Variants in CCDC7 observed in about 807,000 individuals in gnomAD.
The protein encoded by CCDC7 is coiled-coil domain containing 7, also known as coiled-coil domain-containing protein 7.
Under a neutral mutation model 196.9 loss-of-function variants are expected in CCDC7, and 183 were observed. The observed-to-expected ratio is 0.93, with a 90% confidence interval of 0.82 to 1.05. The LOEUF is 1.05. CCDC7 is among the 50% of genes least tolerant of loss of function. The probability of loss-of-function intolerance (pLI) is 0.00; values close to 1 mark genes in which losing one functional copy is unlikely to be tolerated. For synonymous variants in CCDC7, 525 were observed against 484.6 expected (o/e 1.08, Z -1.10); for missense variants, 1,540 against 1,482.2 (o/e 1.04, Z -0.64).
At chr10:32,721,729 G>A (rs1440799223) in intron 25 of CCDC7, among the ~76,000 whole-genome samples, 1 of 152,054 alleles carries the variant, frequency 6.6e-6, no homozygotes, top group African/African-American at 2.4e-5. Context: ...TTTGTACCTT[G>A]TCTGTATTCT....
At chr10:32,512,524 G>C (rs1038985905) in intron 9 of CCDC7, 1 of 152,138 alleles carries the variant, frequency 6.6e-6, no homozygotes, top group Non-Finnish European at 1.5e-5. Flanking sequence ...CATCCATGTG[G>C]TTAAAAAGTA....
chr10:32,508,932 ATTTTTTTT>A (rs4016795), intron 9 of CCDC7, among the ~76,000 whole-genome samples: 3 of 117,096 alleles, frequency 2.6e-5, no homozygotes, highest in African/African-American at 6.5e-5. Context: ...TGTGCCTGGC[ATTTTTTTT>A]TTTTTTTTTT....
In CCDC7 at chr10:32,635,038, G is replaced by C. The variant is rs2065410697; in HGVS notation, c.1913-19G>C. Reference sequence around the variant, plus strand: ...TGACATATACAGAAGTTTTATCATAGATCTGTTTTTCTGTTCAGAGACTCT... The same window carrying C: ...TGACATATACAGAAGTTTTATCATACATCTGTTTTTCTGTTCAGAGACTCT... On this transcript the variant is annotated intron_variant, in intron 19 of 41. Transcript: ENST00000639629. The C allele has an allele frequency of 7.6e-6, 3 of 395,152 alleles. No homozygotes were observed. Among genetic ancestry groups the C allele is most frequent in the Non-Finnish European group, 1.3e-5 (3 of 224,440 alleles). The allele number at this position is 395,152 out of a possible 1,614,324, so 24.5% of individuals were successfully genotyped here.
chr10:32,822,020 C>G (rs1333207153), intron 31 of CCDC7, among the ~76,000 whole-genome samples: 2 of 151,168 alleles, frequency 1.3e-5, no homozygotes, highest in Non-Finnish European at 3.0e-5. Context: ...AATCTACCAA[C>G]CAATAATTTT....
chr10:32,845,551 A>C, exon 35 of CCDC7: 1 of 1,609,738 alleles, frequency 6.2e-7, no homozygotes, highest in South Asian at 1.1e-5. Flanking sequence ...AGAGACTGAT[A>C]AGAACTTCTT....
intron 8 of CCDC7, among the ~76,000 whole-genome samples, chr10:32,476,905 C>T (rs138754367): frequency 7.9e-5 from 12 of 152,144 alleles, no homozygotes; most frequent in African/African-American, 2.4e-4. Flanking sequence ...TTGGGTTATT[C>T]GTTTTCTTAT....
chr10:32,544,269 T>C, exon 13 of CCDC7: 1 of 1,607,896 alleles, frequency 6.2e-7, no homozygotes, highest in Non-Finnish European at 8.5e-7. Flanking sequence ...AGAAAAAGAG[T>C]TTAAAATAAA....
chr10:32,668,266 T>G (rs2140598880), intron 21 of CCDC7, among the ~76,000 whole-genome samples: 1 of 152,298 alleles, frequency 6.6e-6, no homozygotes, highest in South Asian at 2.1e-4. Context: ...AAGGAGATTT[T>G]GGGCAGAGAT....
At chr10:32,828,388 A>T (rs1023339980) in intron 32 of CCDC7, among the ~76,000 whole-genome samples, 83 of 138,850 alleles carry the variant, frequency 6.0e-4, no homozygotes, top group African/African-American at 2.1e-3. Context: ...TAAATAGTTT[A>T]AAAAAGAAGA....
In CCDC7 at chr10:32,507,276, C is replaced by G. The variant is rs551920428; in HGVS notation, c.873-10669C>G. 8.5e-5 allele frequency among the ~76,000 whole-genome samples: 13 copies of G among 152,174 alleles called. 1 individual carries two copies. Among genetic ancestry groups the G allele is most frequent in the Middle Eastern group, 3.4e-3 (1 of 294 alleles). ...AAAGTGCTGGGATTACAGGCATGAG[C>G]CACCGCGCCTGGCCTGTGTGTTCTT... On this transcript the variant is annotated intron_variant, in intron 9 of 41. Transcript: ENST00000639629.
chr10:32,846,591 C>A, intron 37 of CCDC7, 132 bp downstream of exon 38: 2 of 554,794 alleles, frequency 3.6e-6, no homozygotes, highest in Non-Finnish European at 3.2e-6. Context: ...CATGAATATC[C>A]TTTAATTAAG....
Position 32,584,214 on chromosome 10 carries a change from A to T in CCDC7, c.1729-18A>T, listed in dbSNP as rs754601755. The T allele has an allele frequency of 1.4e-6, 2 of 1,473,852 alleles. No individual in the cohort carries two copies. The highest frequency in any genetic ancestry group is 1.8e-6 in the Non-Finnish European group (2 of 1,082,742). The allele number at this position is 1,473,852 out of a possible 1,614,324, so 91.3% of individuals were successfully genotyped here. Reference sequence around the variant, plus strand: ...TGTATATAATTTCTAATTACTTATTACAACTTTTGTTATTAAGGCTGATGT... The same window carrying T: ...TGTATATAATTTCTAATTACTTATTTCAACTTTTGTTATTAAGGCTGATGT... On this transcript the variant is annotated intron_variant, in intron 17 of 41. Coordinates refer to ENST00000639629, the Ensembl canonical transcript of CCDC7.
chr10:32,461,487 TCAAA>T (rs1300413594), intron 3 of CCDC7, among the ~76,000 whole-genome samples: 1 of 152,060 alleles, frequency 6.6e-6, no homozygotes, highest in Non-Finnish European at 1.5e-5. Flanking sequence ...TTGTAATTTC[TCAAA>T]CAAGTAATTT....
At chr10:32,652,382 A>G (rs1311015298) in intron 20 of CCDC7, among the ~76,000 whole-genome samples, 1 of 151,952 alleles carries the variant, frequency 6.6e-6, no homozygotes, top group Non-Finnish European at 1.5e-5. Flanking sequence ...TATGTCTTTA[A>G]TTTGGAGAAT....
intron 21 of CCDC7, 125 bp downstream of exon 22, chr10:32,664,286 A>G: frequency 5.5e-6 from 2 of 361,176 alleles, no homozygotes; most frequent in Non-Finnish European, 4.9e-6. Flanking sequence ...GGAATAATAA[A>G]TTGTGGAATT....
intron 20 of CCDC7, among the ~76,000 whole-genome samples, chr10:32,637,590 G>T (rs4747784): frequency 0.92 from 140,451 of 152,186 alleles, 65,811 homozygotes; most frequent in East Asian, 1. Context: ...TTGGTCTATA[G>T]CTCTGTTTTG....
intron 20 of CCDC7, among the ~76,000 whole-genome samples, chr10:32,652,624 C>G (rs2068977648): frequency 6.6e-6 from 1 of 151,954 alleles, no homozygotes; most frequent in African/African-American, 2.4e-5. Flanking sequence ...TCTTATGTAA[C>G]TAATTATTTT....
downstream of CCDC7, among the ~76,000 whole-genome samples, chr10:32,880,991 G>T (rs768270030): frequency 6.6e-6 from 1 of 152,196 alleles, no homozygotes; most frequent in Non-Finnish European, 1.5e-5. Flanking sequence ...CAGGAGATCA[G>T]ATATCAACAG....
At chr10:32,652,529 G>A (rs2068961375) in intron 20 of CCDC7, among the ~76,000 whole-genome samples, 1 of 151,800 alleles carries the variant, frequency 6.6e-6, no homozygotes. Flanking sequence ...TTCTCTGATG[G>A]TATGTTTTAA....
Sources: allele counts gnomAD v4.1 joint callset (sites outside exome capture counted in the v4.1 genomes callset), GRCh38; gene constraint gnomAD v4.1.1; transcripts MANE v1.5; gene names NCBI Gene and HGNC (gene_info 2026-07-23, HGNC 2026-07-21).